FLNB: variants seen among roughly 807,000 people sequenced by gnomAD.
FLNB encodes the protein filamin B, also known as filamin-B.
FLNB carries 111 observed loss-of-function variants against 250.6 expected under a neutral mutation model. That is an observed-to-expected ratio of 0.44 (90% confidence interval 0.38 to 0.52). FLNB has a LOEUF of 0.52. Among genes scored for constraint, FLNB ranks in the 20% least tolerant of loss-of-function variants. FLNB has a pLI of 0.00. For synonymous variants in FLNB, 1,302 were observed against 1,372.1 expected, an observed-to-expected ratio of 0.95 and a Z score of 1.13; for missense variants, 2,869 against 3,447.8, an observed-to-expected ratio of 0.83 and a Z score of 4.20.
At chr3:58,092,139 A>G (rs1002594530) in intron 4 of FLNB, among the ~76,000 whole-genome samples, 3 of 152,232 alleles carry the variant, frequency 2.0e-5, no homozygotes, top group East Asian at 3.8e-4. Context: ...AAAAAAACAC[A>G]TCGAAATTTG....
At chr3:58,116,526 G>C (rs1170727110) in intron 18 of FLNB, among the ~76,000 whole-genome samples, 1 of 152,220 alleles carries the variant, frequency 6.6e-6, no homozygotes, top group African/African-American at 2.4e-5. Flanking sequence ...CAAAGTCCCT[G>C]AGTGACAGCT....
At chr3:58,106,352 C>A (rs1162576259) in intron 11 of FLNB, among the ~76,000 whole-genome samples, 5 of 132,986 alleles carry the variant, frequency 3.8e-5, no homozygotes, top group Non-Finnish European at 3.3e-5. Context: ...GTATTTAATA[C>A]TATATATATA....
intron 42 of FLNB, among the ~76,000 whole-genome samples, chr3:58,162,172 T>C (rs2097362883): frequency 1.3e-5 from 2 of 152,116 alleles, no homozygotes; most frequent in African/African-American, 4.8e-5. Context: ...TGCACCTCTG[T>C]GGAGACGTCC....
chr3:58,170,846 C>G lies in FLNB; in HGVS notation c.*84C>G. 4 of 1,321,010 alleles carry G rather than the reference C, an allele frequency of 3.0e-6. No homozygotes were observed. Among genetic ancestry groups the G allele is most frequent in the Non-Finnish European group, 3.2e-6 (3 of 935,548 alleles). The allele number at this position is 1,321,010 out of a possible 1,614,324, so 81.8% of individuals were successfully genotyped here. A position where few individuals can be genotyped will look rare whatever the true frequency, so the allele number is the denominator to read the frequency against. On this transcript the variant is annotated 3_prime_UTR_variant, in exon 46 of 46. Coordinates refer to ENST00000295956, the MANE Select transcript of FLNB (RefSeq NM_001457.4). Reference sequence around the variant, plus strand: ...ATTCATTTTATACAAAGCCCTCCAGCCTGTTTGTGGGGCTGAAACCCCATC... The same window carrying G: ...ATTCATTTTATACAAAGCCCTCCAGGCTGTTTGTGGGGCTGAAACCCCATC...
At chr3:58,158,179 G>C (rs35911882) in intron 41 of FLNB, among the ~76,000 whole-genome samples, 11,605 of 152,142 alleles carry the variant, frequency 0.076, 634 homozygotes, top group Non-Finnish European at 0.11. Flanking sequence ...TCCCTCCTCA[G>C]TCTATATCCC....
chr3:58,098,023 A>G (rs2097242176), intron 7 of FLNB, 46 bp downstream of exon 7: 1 of 1,598,102 alleles, frequency 6.3e-7, no homozygotes. Context: ...GCTTTCTTCC[A>G]GAGGCTGAAA....
At chr3:58,133,437 GAAAAAAAAAAAAAAAAA>G (rs55916881) in intron 26 of FLNB, among the ~76,000 whole-genome samples, 1 of 67,604 alleles carries the variant, frequency 1.5e-5, no homozygotes, top group East Asian at 3.7e-4. Context: ...GACATCTCTG[GAAAAAAAAAAAAAAAAA>G]AAAAAAAAAA....
In FLNB at chr3:58,148,662, C is replaced by A; in HGVS notation, c.5901C>A (p.Ile1967=). Residue 1967 remains isoleucine (I), a synonymous_variant, in exon 36 of 46, where the codon ATC becomes ATA. Coordinates refer to ENST00000295956, the MANE Select transcript of FLNB (RefSeq NM_001457.4). The part of the protein sequence containing the change: ...LPNNHIGISF[I]PREVGEHLVS... The stretch of plus-strand genomic sequence containing the variant: ...GTTCTGGTCCAGGCATCTCCTTCAT[C>A]CCCCGGGAAGTGGGCGAACATCTGG... The A allele has an allele frequency of 6.2e-7, 1 of 1,614,036 alleles. No homozygotes were observed. The highest frequency in any genetic ancestry group is 8.5e-7 in the Non-Finnish European group (1 of 1,179,910).
chr3:58,090,678 C>T (rs1160265570), intron 4 of FLNB, among the ~76,000 whole-genome samples: 1 of 152,112 alleles, frequency 6.6e-6, no homozygotes, highest in Non-Finnish European at 1.5e-5. Flanking sequence ...TAGCAAATGA[C>T]TATATTAGCA....
intron 25 of FLNB, 53 bp downstream of exon 25, chr3:58,130,961 A>G (rs2088481914): frequency 6.4e-7 from 1 of 1,557,450 alleles, no homozygotes; most frequent in Non-Finnish European, 8.8e-7. Flanking sequence ...AGGCAGGGGC[A>G]GCTGTAACCC....
intron 20 of FLNB, among the ~76,000 whole-genome samples, chr3:58,122,711 C>T (rs2097291151): frequency 6.6e-6 from 1 of 152,138 alleles, no homozygotes; most frequent in South Asian, 2.1e-4. Context: ...GCCCAAGCCA[C>T]AGCTAGCTCC....
At position 58,138,373 on chromosome 3, in the gene FLNB, G is replaced by T. The variant is rs2097320223; in HGVS notation, c.4953G>T (p.Thr1651=). 9 of 1,614,226 alleles carry T rather than the reference G, an allele frequency of 5.6e-6. No individual in the cohort carries two copies. Among genetic ancestry groups the T allele is most frequent in the Non-Finnish European group, 7.6e-6 (9 of 1,180,044 alleles). The change falls in exon 29 of 46, where the codon ACG becomes ACT. Residue 1651 remains threonine (T), a synonymous_variant. Transcript: ENST00000295956. Reference sequence around the variant, plus strand: ...CCGGGAAGGGTAAAGTGACCTGCACGGTTCTGACCCCAGATGGCACTGAGG... The same window carrying T: ...CCGGGAAGGGTAAAGTGACCTGCACTGTTCTGACCCCAGATGGCACTGAGG... ...KTAGKGKVTC[T]VLTPDGTEAE...
At chr3:58,098,504 TA>T (rs1261005588) in intron 7 of FLNB, among the ~76,000 whole-genome samples, 2 of 152,286 alleles carry the variant, frequency 1.3e-5, no homozygotes, top group Middle Eastern at 3.4e-3. Flanking sequence ...CTAATTTTTG[TA>T]TTTTTTTTAG....
At chr3:58,158,982 C>T (rs1179450654) in intron 41 of FLNB, among the ~76,000 whole-genome samples, 1 of 151,692 alleles carries the variant, frequency 6.6e-6, no homozygotes, top group Admixed American at 6.6e-5. Flanking sequence ...GATGAGGAAA[C>T]TGAGACTCGA....
chr3:58,056,761 T>C (rs919681659), intron 1 of FLNB, among the ~76,000 whole-genome samples: 7 of 151,916 alleles, frequency 4.6e-5, no homozygotes, highest in African/African-American at 1.2e-4. Flanking sequence ...CAGCTAATTT[T>C]TGTATTTTTA....
intron 1 of FLNB, among the ~76,000 whole-genome samples, chr3:58,055,167 G>A (rs1202435737): frequency 1.3e-5 from 2 of 151,992 alleles, no homozygotes; most frequent in African/African-American, 2.4e-5. Context: ...CTTGGGTGTC[G>A]AGACACGAGA....
intron 8 of FLNB, among the ~76,000 whole-genome samples, chr3:58,100,369 A>ATATATATAT (rs1559692340): frequency 7.5e-5 from 2 of 26,616 alleles, no homozygotes; most frequent in African/African-American, 6.1e-4. Flanking sequence ...ATATGTAAAA[A>ATATATATAT]AAAAATATAT....
intron 13 of FLNB, 117 bp from the exon 14 acceptor site, chr3:58,109,062 A>G (rs2097264254): frequency 9.2e-6 from 11 of 1,190,324 alleles, no homozygotes; most frequent in South Asian, 6.3e-5. Context: ...TAGTTGGTCC[A>G]TGAAGTTTTG....
intron 18 of FLNB, among the ~76,000 whole-genome samples, chr3:58,115,097 CAA>C (rs1254967025): frequency 6.6e-6 from 1 of 152,140 alleles, no homozygotes; most frequent in South Asian, 2.1e-4. Flanking sequence ...AAATCCAAAA[CAA>C]AACATTCATT....
Sources: allele counts gnomAD v4.1 joint callset (sites outside exome capture counted in the v4.1 genomes callset), GRCh38; gene constraint gnomAD v4.1.1; transcripts MANE v1.5; gene names NCBI Gene and HGNC (gene_info 2026-07-23, HGNC 2026-07-21).